Variants in CCNDBP1 observed in about 807,000 individuals in gnomAD.
CCNDBP1 encodes the protein cyclin D1 binding protein 1.
Under a neutral mutation model 46.2 loss-of-function variants are expected in CCNDBP1, and 45 were observed. That is an observed-to-expected ratio of 0.97 (90% CI 0.77 to 1.25). CCNDBP1 has a LOEUF of 1.25. Among genes scored for constraint, CCNDBP1 ranks in the 50% most tolerant of loss-of-function variants. The probability of loss-of-function intolerance (pLI) is 0.00; values close to 1 mark genes in which losing one functional copy is unlikely to be tolerated. For missense variants in CCNDBP1, 436 were observed against 442.1 expected, an observed-to-expected ratio of 0.99 and a Z score of 0.12; for synonymous variants, 154 against 163.6, an observed-to-expected ratio of 0.94 and a Z score of 0.45.
At chr15:43,193,377 AAG>A in intron 9 of CCNDBP1, 1 of 150,872 alleles carries the variant, frequency 6.6e-6, no homozygotes, top group Non-Finnish European at 1.5e-5. Flanking sequence ...CTTCTTTGAA[AAG>A]AAAGTCTTAA....
intron 3 of CCNDBP1, 47 bp downstream of exon 3, chr15:43,186,280 A>G: frequency 6.9e-7 from 1 of 1,453,016 alleles, no homozygotes; most frequent in Non-Finnish European, 9.6e-7. Context: ...GTTACACCTT[A>G]GGAATCCTCT....
chr15:43,193,443 A>G (rs1012806039), intron 9 of CCNDBP1: 2 of 151,126 alleles, frequency 1.3e-5, no homozygotes, highest in South Asian at 4.2e-4. Flanking sequence ...TCTAATTTCT[A>G]GACTAGGCAG....
chr15:43,191,086 G>A (rs747487455), intron 7 of CCNDBP1, 44 bp downstream of exon 7: 1 of 1,409,244 alleles, frequency 7.1e-7, no homozygotes, highest in East Asian at 2.3e-5. Flanking sequence ...TTGACTAGTA[G>A]ATGAGAATTA....
rs138245123 is a variant in CCNDBP1 at position 43,194,433 on chromosome 15, G to C, written c.940G>C (p.Val314Leu). 1 of 1,607,534 alleles carries C rather than the reference G, an allele frequency of 6.2e-7. No individual in the cohort carries two copies. Among genetic ancestry groups the C allele is most frequent in the Non-Finnish European group, 8.5e-7 (1 of 1,178,288 alleles). The change falls in exon 10 of 11, where the codon GTT (valine) becomes CTT (leucine). Residue 314 changes from valine (V) to leucine (L), a missense_variant. Transcript: ENST00000300213. ...TTTCTAGTCTGCGAAACTTGTATCT[G>C]TTTTAAAGAAGGCACTTGAAATTAC... The part of the protein sequence containing the change: ...VRINSAKLVS[V>L]LKKALEITKA...
chr15:43,191,362 T>TGCA, intron 7 of CCNDBP1, 33 bp from the exon 8 acceptor site: 2 of 1,369,062 alleles, frequency 1.5e-6, no homozygotes, highest in Non-Finnish European at 1.9e-6. Flanking sequence ...TTTTTTTTTT[T>TGCA]TTTGCATTCA....
At position 43,196,936 on chromosome 15, in the gene CCNDBP1, ATTGGTGGGGT is replaced by A. The variant is rs2042044681; in HGVS notation, c.*2096_*2105del. The A allele has an allele frequency of 3.0e-6, 1 of 331,284 alleles. No homozygotes were observed. Among genetic ancestry groups the A allele is most frequent in the Non-Finnish European group, 5.9e-6 (1 of 170,300 alleles). The allele number at this position is 331,284 out of a possible 1,614,324, so 20.5% of individuals were successfully genotyped here. ...GATCCCTCATGAATGGCTTCGTTCC[ATTGGTGGGGT>A]AATGAGTAAGTTCTCGCTCTATATG... On this transcript the variant is annotated 3_prime_UTR_variant, in exon 11 of 11. Transcript: ENST00000300213.
intron 10 of CCNDBP1, 48 bp from the exon 11 acceptor site, chr15:43,194,679 T>C: frequency 7.1e-7 from 1 of 1,416,428 alleles, no homozygotes; most frequent in Admixed American, 1.7e-5. Context: ...AGGTTTTCCC[T>C]TGACATCCTA....
In CCNDBP1 at chr15:43,189,373, G is replaced by T. The variant is rs932881278; in HGVS notation, c.331+93G>T. The T allele has an allele frequency of 1.0e-5, 7 of 672,912 alleles. No individual in the cohort carries two copies. In the African/African-American group the frequency reaches 1.3e-4, roughly 12 times the overall value. The allele number at this position is 672,912 out of a possible 1,614,324, so 41.7% of individuals were successfully genotyped here. On this transcript the variant is annotated intron_variant, in intron 4 of 10. Coordinates refer to ENST00000300213, the MANE Select transcript of CCNDBP1 (RefSeq NM_012142.5). ...TTTTACCTTTACCCAACTTGAACATGTAACTTTCTCCCATAAAATACAGTG... is the reference window on the plus strand; with the variant it reads ...TTTTACCTTTACCCAACTTGAACATTTAACTTTCTCCCATAAAATACAGTG...
At position 43,186,151 on chromosome 15, in the gene CCNDBP1, C is replaced by A. The variant is rs368088564; in HGVS notation, c.170-3C>A. 2.5e-6 allele frequency: 4 copies of A among 1,613,798 alleles called. No individual in the cohort carries two copies. The highest frequency in any genetic ancestry group is 1.3e-5 in the African/African-American group (1 of 74,938). Reference sequence around the variant, plus strand: ...ACCTGCCTCCTCTTCGGCCACCCCCCAGATGAGGCAGCTGTGACTGTGTCA... The same window carrying A: ...ACCTGCCTCCTCTTCGGCCACCCCCAAGATGAGGCAGCTGTGACTGTGTCA... On this transcript the variant is annotated splice_polypyrimidine_tract_variant and splice_region_variant and intron_variant, in intron 2 of 10. Transcript: ENST00000300213.
rs191957753 is a variant in CCNDBP1, at chr15:43,189,793, A to T, written c.332-262A>T. The T allele has an allele frequency of 4.1e-4, 196 of 480,616 alleles. 1 individual carries two copies. The highest frequency in any genetic ancestry group is 3.7e-3 in the African/African-American group (188 of 51,462). 29.8% of individuals were successfully genotyped at this position (480,616 alleles called of 1,614,324 possible). On this transcript the variant is annotated intron_variant, in intron 4 of 10. Transcript: ENST00000300213. ...AAGTGTTTCATCTACAGTTGTTAAG[A>T]GATCACGGTCCTTAATGAATGAATA... is the stretch of plus-strand genomic sequence containing the variant.
chr15:43,185,823 G>A lies in CCNDBP1; in HGVS notation c.113G>A (p.Gly38Asp). Residue 38 changes from glycine to aspartate, a missense_variant, in exon 2 of 11, where the codon GGC becomes GAC. Gly to Asp is a moderately conservative substitution (Grantham distance 94). Transcript: ENST00000300213. ...LRLLLPRVRVGEAQETTEEFN... is the reference protein window; with the variant it reads ...LRLLLPRVRVDEAQETTEEFN... ...CCCCACACGCCACACCCACAAGTCGGCGAAGCCCAGGAGACCACCGAGGAG... is the reference window on the plus strand; with the variant it reads ...CCCCACACGCCACACCCACAAGTCGACGAAGCCCAGGAGACCACCGAGGAG... 1.2e-6 allele frequency: 2 copies of A among 1,610,584 alleles called. No individual in the cohort carries two copies. The highest frequency in any genetic ancestry group is 1.7e-5 in the Admixed American group (1 of 59,980).
Position 43,194,775 on chromosome 15 carries a change from T to G in CCNDBP1, c.1017T>G (p.Leu339=). 1 of 1,614,024 alleles carries G rather than the reference T, an allele frequency of 6.2e-7. No individual in the cohort carries two copies. The highest frequency in any genetic ancestry group is 1.3e-5 in the African/African-American group (1 of 75,060). The change falls in exon 11 of 11, where the codon CTT becomes CTG. Residue 339 remains leucine, a synonymous_variant. Coordinates refer to ENST00000300213, the MANE Select transcript of CCNDBP1 (RefSeq NM_012142.5). ...PQPEDSWIPL[L]INAIDHCMNR... ...CAGAAGATAGTTGGATCCCTTTACT[T>G]ATTAATGCCATTGATCATTGCATGA...
chr15:43,194,358 G>T (rs2042010817), intron 9 of CCNDBP1, 57 bp from the exon 10 acceptor site: 2 of 1,408,974 alleles, frequency 1.4e-6, no homozygotes, highest in African/African-American at 1.5e-5. Context: ...AAAAATATTT[G>T]AACTCACCTT....
At chr15:43,191,698 A>T (rs768771073) in intron 8 of CCNDBP1, 23 bp downstream of exon 8, 84 of 1,593,322 alleles carry the variant, frequency 5.3e-5, no homozygotes, top group Non-Finnish European at 6.9e-5. Flanking sequence ...CCCACTTGAA[A>T]CATCTGAGCA....
chr15:43,185,693 G>A lies in CCNDBP1; in HGVS notation c.109+86G>A, dbSNP rs1014082933. The stretch of plus-strand genomic sequence containing the variant: ...GGGCTCGGGGTCGGGGAGAGGCCGG[G>A]CTCGGGGTCGCGGAGAGGGCGGGCT... On this transcript the variant is annotated intron_variant, in intron 1 of 10. Coordinates refer to ENST00000300213, the MANE Select transcript of CCNDBP1 (RefSeq NM_012142.5). 4.3e-6 allele frequency: 6 copies of A among 1,403,516 alleles called. No homozygotes were observed. The South Asian group carries it at 5.3e-5, about 12-fold the overall frequency. The allele number at this position is 1,403,516 out of a possible 1,614,324, so 86.9% of individuals were successfully genotyped here.
chr15:43,192,680 G>A (rs1323538438), intron 8 of CCNDBP1, 63 bp from the exon 9 acceptor site: 3 of 1,445,460 alleles, frequency 2.1e-6, no homozygotes, highest in East Asian at 4.5e-5. Flanking sequence ...ATCCATAGTT[G>A]TGTACTAGAA....
At chr15:43,185,716 G>A in intron 1 of CCNDBP1, 104 bp from the exon 2 acceptor site, 1 of 1,439,198 alleles carries the variant, frequency 6.9e-7, no homozygotes, top group Admixed American at 2.1e-5. Flanking sequence ...GAGAGGGCGG[G>A]CTGGGGCGGC....
At chr15:43,191,964 C>G (rs1478600553) in intron 8 of CCNDBP1, among the ~76,000 whole-genome samples, 1 of 152,158 alleles carries the variant, frequency 6.6e-6, no homozygotes, top group African/African-American at 2.4e-5. Context: ...CTAAATACTT[C>G]AGTATGTATC....
intron 3 of CCNDBP1, chr15:43,188,574 C>A (rs976390228): frequency 1.3e-5 from 2 of 152,254 alleles, no homozygotes; most frequent in Non-Finnish European, 2.9e-5. Flanking sequence ...GGCCTGAGGA[C>A]CACAGTTTGC....
Sources: allele counts gnomAD v4.1 joint callset (sites outside exome capture counted in the v4.1 genomes callset), GRCh38; gene constraint gnomAD v4.1.1; transcripts MANE v1.5; gene names NCBI Gene and HGNC (gene_info 2026-07-23, HGNC 2026-07-21).